LINGO2: variants seen among roughly 807,000 people sequenced by gnomAD.
LINGO2 encodes the protein leucine rich repeat and Ig domain containing 2.
Under a neutral mutation model 30.6 loss-of-function variants are expected in LINGO2, and 14 were observed. The observed-to-expected ratio is 0.46, with a 90% CI of 0.30 to 0.72. The LOEUF is 0.72. Ranked by LOEUF, LINGO2 falls within the 30% of genes least tolerant of loss-of-function variation. The pLI, the probability that LINGO2 is intolerant of heterozygous loss-of-function variation, is 0.07. For synonymous variants in LINGO2, 317 were observed against 288.5 expected (o/e 1.10, Z -1.00); for missense variants, 729 against 751.7 (o/e 0.97, Z 0.35).
At chr9:28,866,878 T>C in the LINGO2 span, among the ~76,000 whole-genome samples, 3 of 152,176 alleles carry the variant, frequency 2.0e-5, no homozygotes, top group African/African-American at 7.2e-5. Context: ...AGTAACTTAG[T>C]TCTGATTCAA....
At chr9:28,934,446 A>C in the LINGO2 span, among the ~76,000 whole-genome samples, 1 of 152,214 alleles carries the variant, frequency 6.6e-6, no homozygotes, top group Admixed American at 6.5e-5. Context: ...TGACAAGTAC[A>C]TTAATAACTT....
chr9:27,951,551 C>G (rs530676463), intron 5 of LINGO2, among the ~76,000 whole-genome samples: 91 of 152,216 alleles, frequency 6.0e-4, no homozygotes, highest in African/African-American at 2.1e-3. Flanking sequence ...TTCAGACAAA[C>G]TCAGTGGACC....
chr9:28,016,019 C>A (rs10968284), intron 4 of LINGO2, among the ~76,000 whole-genome samples: 16,492 of 131,666 alleles, frequency 0.13, 1,069 homozygotes, highest in African/African-American at 0.16. Flanking sequence ...AAAAAAGATA[C>A]CTCAGGGATA....
At chr9:28,320,040 C>T (rs369176510) in intron 3 of LINGO2, among the ~76,000 whole-genome samples, 2 of 152,054 alleles carry the variant, frequency 1.3e-5, no homozygotes, top group East Asian at 1.9e-4. Flanking sequence ...TGTCTCATTG[C>T]TCCTATGGAA....
At chr9:28,101,252 G>A (rs1826407691) in intron 4 of LINGO2, among the ~76,000 whole-genome samples, 1 of 151,924 alleles carries the variant, frequency 6.6e-6, no homozygotes, top group Non-Finnish European at 1.5e-5. Context: ...TATTGATGGG[G>A]TGTCCATCCT....
chr9:28,691,680 T>C, the LINGO2 span, among the ~76,000 whole-genome samples: 2 of 152,286 alleles, frequency 1.3e-5, no homozygotes, highest in East Asian at 3.9e-4. Context: ...ATAACTTGTA[T>C]TTAACATTTA....
chr9:29,120,624 C>T, the LINGO2 span, among the ~76,000 whole-genome samples: 6 of 152,274 alleles, frequency 3.9e-5, no homozygotes, highest in South Asian at 2.1e-4. Flanking sequence ...AATCCTCCTA[C>T]GTGCTATGCT....
chr9:28,630,697 T>C (rs1002434051), intron 1 of LINGO2, among the ~76,000 whole-genome samples: 5 of 152,096 alleles, frequency 3.3e-5, no homozygotes, highest in African/African-American at 1.2e-4. Flanking sequence ...CTTGCAAAGA[T>C]ATTTGAATGG....
At chr9:28,191,021 T>G (rs1319849137) in intron 4 of LINGO2, among the ~76,000 whole-genome samples, 1 of 152,154 alleles carries the variant, frequency 6.6e-6, no homozygotes, top group Non-Finnish European at 1.5e-5. Flanking sequence ...AGTTAGCATT[T>G]TGAAGGCAGT....
chr9:28,302,416 C>A (rs975201881), intron 3 of LINGO2, among the ~76,000 whole-genome samples: 1 of 152,226 alleles, frequency 6.6e-6, no homozygotes, highest in Non-Finnish European at 1.5e-5. Flanking sequence ...CAATGGCTCA[C>A]ACCTTTAATC....
At chr9:27,962,320 G>A (rs995674439) in intron 5 of LINGO2, among the ~76,000 whole-genome samples, 5 of 152,020 alleles carry the variant, frequency 3.3e-5, no homozygotes, top group Admixed American at 3.3e-4. Context: ...TTTCAATAGT[G>A]GTTAAGAGAA....
chr9:28,282,173 G>C (rs141449752), intron 4 of LINGO2, among the ~76,000 whole-genome samples: 135 of 152,218 alleles, frequency 8.9e-4, no homozygotes, highest in Non-Finnish European at 1.7e-3. Flanking sequence ...GTTTAAAATA[G>C]TCAAGTTATT....
chr9:28,190,084 G>A (rs375028426), intron 4 of LINGO2, among the ~76,000 whole-genome samples: 1 of 152,200 alleles, frequency 6.6e-6, no homozygotes, highest in South Asian at 2.1e-4. Context: ...TCACAAACAT[G>A]GATATTTTGA....
chr9:28,650,035 G>GA, intron 1 of LINGO2, among the ~76,000 whole-genome samples: 1 of 150,348 alleles, frequency 6.7e-6, no homozygotes, highest in African/African-American at 2.4e-5. Context: ...TACTGGCAGG[G>GA]GAAAAAAAAA....
chr9:28,282,699 A>T (rs1383966445), intron 4 of LINGO2, among the ~76,000 whole-genome samples: 1 of 152,106 alleles, frequency 6.6e-6, no homozygotes, highest in Non-Finnish European at 1.5e-5. Flanking sequence ...GATGTTCAGG[A>T]ATCGGGTGGG....
intron 4 of LINGO2, among the ~76,000 whole-genome samples, chr9:28,172,649 G>C (rs1377230719): frequency 6.6e-6 from 1 of 152,188 alleles, no homozygotes; most frequent in Non-Finnish European, 1.5e-5. Context: ...TTCAGGGAAA[G>C]ATGGAGAAAG....
At chr9:29,139,153 C>A in the LINGO2 span, among the ~76,000 whole-genome samples, 1 of 152,114 alleles carries the variant, frequency 6.6e-6, no homozygotes, top group South Asian at 2.1e-4. Context: ...AGACTTGGAT[C>A]CTCAGCTCAA....
the LINGO2 span, among the ~76,000 whole-genome samples, chr9:28,697,005 G>T: frequency 6.6e-6 from 1 of 151,760 alleles, no homozygotes; most frequent in African/African-American, 2.4e-5. Flanking sequence ...TATTTTTCAA[G>T]GGAATCCAAA....
the LINGO2 span, among the ~76,000 whole-genome samples, chr9:28,995,736 T>C: frequency 3.3e-5 from 5 of 152,110 alleles, no homozygotes; most frequent in Non-Finnish European, 7.3e-5. Flanking sequence ...TGGATGAAAC[T>C]GGAAATCATC....
Sources: gnomAD v4.1 joint callset for allele counts (sites outside exome capture counted in the v4.1 genomes callset) on GRCh38, gnomAD v4.1.1 for gene constraint, MANE v1.5 for transcripts, NCBI Gene and HGNC (gene_info 2026-07-23, HGNC 2026-07-21) for gene names.